Variants in DRC11 observed in about 807,000 individuals in gnomAD.
DRC11 encodes dynein regulatory complex subunit 11.
At chr2:236,481,852 T>C in the DRC11 span, among the ~76,000 whole-genome samples, 1 of 150,628 alleles carries the variant, frequency 6.6e-6, no homozygotes, top group Non-Finnish European at 1.5e-5. Context: ...ATATTATATG[T>C]ATAACTATAT....
the DRC11 span, among the ~76,000 whole-genome samples, chr2:236,384,067 T>A: frequency 1.3e-5 from 2 of 152,154 alleles, no homozygotes; most frequent in Non-Finnish European, 2.9e-5. Context: ...TCTATCATTG[T>A]TGGACATTTG....
At chr2:236,354,212 ATGTG>A in the DRC11 span, among the ~76,000 whole-genome samples, 2 of 66,126 alleles carry the variant, frequency 3.0e-5, no homozygotes, top group Non-Finnish European at 6.6e-5. Context: ...GTGTCAATGT[ATGTG>A]TGTGCATGTG....
chr2:236,380,955 G>A, the DRC11 span, among the ~76,000 whole-genome samples: 390 of 152,314 alleles, frequency 2.6e-3, 3 homozygotes, highest in African/African-American at 8.9e-3. This position sits in a 1 kb window ranked among gnomAD's most constrained non-coding sequence, Gnocchi z 4.9. Flanking sequence ...TGAGAGTGCC[G>A]TGTGCACATA....
At chr2:236,459,629 G>GTATATACGTATA in the DRC11 span, among the ~76,000 whole-genome samples, 1 of 91,974 alleles carries the variant, frequency 1.1e-5, no homozygotes, top group Non-Finnish European at 2.6e-5. Context: ...ATATACATAC[G>GTATATACGTATA]TATATACGTA....
At chr2:236,435,705 T>G in the DRC11 span, among the ~76,000 whole-genome samples, 1 of 152,162 alleles carries the variant, frequency 6.6e-6, no homozygotes, top group Non-Finnish European at 1.5e-5. Flanking sequence ...ACCACCCCAA[T>G]CAGGTCTCTC....
At chr2:236,368,270 G>A in the DRC11 span, 2 of 1,606,100 alleles carry the variant, frequency 1.2e-6, no homozygotes, top group Non-Finnish European at 8.5e-7. Flanking sequence ...TGGACACCTG[G>A]CGAAGAGTAG....
chr2:236,445,781 G>A, the DRC11 span, among the ~76,000 whole-genome samples: 1 of 152,208 alleles, frequency 6.6e-6, no homozygotes, highest in Middle Eastern at 3.4e-3. This position sits in a 1 kb window ranked among gnomAD's most constrained non-coding sequence, Gnocchi z 4.8. Context: ...TATAAAATTT[G>A]TATCTAGAAA....
At chr2:236,398,979 G>C in the DRC11 span, among the ~76,000 whole-genome samples, 1 of 151,832 alleles carries the variant, frequency 6.6e-6, no homozygotes, top group Non-Finnish European at 1.5e-5. This position sits in a 1 kb window ranked among gnomAD's most constrained non-coding sequence, Gnocchi z 6.2. Flanking sequence ...TATGCTTAAG[G>C]CCACCAAAAG....
chr2:236,452,555 A>T, the DRC11 span, among the ~76,000 whole-genome samples: 2 of 152,082 alleles, frequency 1.3e-5, no homozygotes, highest in East Asian at 3.9e-4. The surrounding 1 kb of genome is among the most constrained non-coding windows in gnomAD (Gnocchi z 4.7). Flanking sequence ...ATTCACTTAC[A>T]CTCAATAAAG....
the DRC11 span, among the ~76,000 whole-genome samples, chr2:236,486,295 C>T: frequency 1.3e-5 from 2 of 152,314 alleles, no homozygotes; most frequent in African/African-American, 4.8e-5. The surrounding 1 kb of genome is among the most constrained non-coding windows in gnomAD (Gnocchi z 5.7). Context: ...TTGACTGCAG[C>T]CTTGTGAGAT....
At chr2:236,337,516 G>A in the DRC11 span, among the ~76,000 whole-genome samples, 1 of 152,292 alleles carries the variant, frequency 6.6e-6, no homozygotes, top group Non-Finnish European at 1.5e-5. This position sits in a 1 kb window ranked among gnomAD's most constrained non-coding sequence, Gnocchi z 4.9. Flanking sequence ...CTACTTCACA[G>A]ATGAGAAGAT....
chr2:236,410,110 G>C, the DRC11 span, among the ~76,000 whole-genome samples: 2 of 151,728 alleles, frequency 1.3e-5, no homozygotes, highest in Middle Eastern at 6.8e-3. Flanking sequence ...GTATCAGGAT[G>C]ATGCTGGCCT....
chr2:236,331,633 T>C, the DRC11 span: 1 of 1,504,750 alleles, frequency 6.6e-7, no homozygotes, highest in Non-Finnish European at 9.2e-7. The surrounding 1 kb of genome is among the most constrained non-coding windows in gnomAD (Gnocchi z 4.8). Flanking sequence ...GAACAAGGGT[T>C]ACCACAGAGA....
chr2:236,377,958 T>C, the DRC11 span, among the ~76,000 whole-genome samples: 1 of 152,232 alleles, frequency 6.6e-6, no homozygotes, highest in Non-Finnish European at 1.5e-5. This position sits in a 1 kb window ranked among gnomAD's most constrained non-coding sequence, Gnocchi z 4.9. Flanking sequence ...GTTTTGTCTT[T>C]TCCTCTTCTT....
chr2:236,356,968 A>T, the DRC11 span, among the ~76,000 whole-genome samples: 1,346 of 107,056 alleles, frequency 0.013, 93 homozygotes, highest in African/African-American at 0.05. Flanking sequence ...AAATATATAT[A>T]TTATATATTC....
chr2:236,316,767 C>T, the DRC11 span, among the ~76,000 whole-genome samples: 1 of 152,280 alleles, frequency 6.6e-6, no homozygotes, highest in East Asian at 1.9e-4. The surrounding 1 kb of genome is among the most constrained non-coding windows in gnomAD (Gnocchi z 6.8). Context: ...CCTGACCACA[C>T]CAAGTTGGAA....
chr2:236,346,180 C>A, the DRC11 span, among the ~76,000 whole-genome samples: 2 of 152,140 alleles, frequency 1.3e-5, no homozygotes, highest in Non-Finnish European at 2.9e-5. Flanking sequence ...TAATCGTGAT[C>A]CCTGAGCCAG....
the DRC11 span, among the ~76,000 whole-genome samples, chr2:236,345,770 C>T: frequency 2.6e-5 from 4 of 152,184 alleles, no homozygotes; most frequent in African/African-American, 7.2e-5. Flanking sequence ...GTGCTTTGTG[C>T]GAAATTGTGA....
At chr2:236,416,990 C>T in the DRC11 span, among the ~76,000 whole-genome samples, 1 of 151,602 alleles carries the variant, frequency 6.6e-6, no homozygotes, top group African/African-American at 2.4e-5. Context: ...GAACTCCTGA[C>T]CTCAGGTGAT....
Sources: gnomAD v4.1 joint callset for allele counts (sites outside exome capture counted in the v4.1 genomes callset) on GRCh38, gnomAD v4.1.1 for gene constraint, Gnocchi (gnomAD v3.1) non-coding constraint, MANE v1.5 for transcripts, NCBI Gene and HGNC (gene_info 2026-07-23, HGNC 2026-07-21) for gene names.